Variants in ROBO2 observed in about 807,000 individuals in gnomAD.
The protein encoded by ROBO2 is roundabout guidance receptor 2.
A neutral mutation model predicts 160.8 loss-of-function variants in ROBO2; 53 were observed. The ratio of observed to expected loss-of-function variants is 0.33; its 90% CI spans 0.26 to 0.41. The LOEUF is 0.41. Among genes scored for constraint, ROBO2 ranks in the 10% least tolerant of loss-of-function variants. ROBO2 has a pLI of 1.00. For synonymous variants in ROBO2, 664 were observed against 611.7 expected, an observed-to-expected ratio of 1.09 and a Z score of -1.26; for missense variants, 1,577 against 1,722.4, an observed-to-expected ratio of 0.92 and a Z score of 1.49.
At chr3:76,905,347 A>G (rs2075526988) in intron 2 of ROBO2, among the ~76,000 whole-genome samples, 1 of 152,186 alleles carries the variant, frequency 6.6e-6, no homozygotes, top group Non-Finnish European at 1.5e-5. Context: ...GGGGCACACA[A>G]GAGAAAAAAA....
chr3:76,862,531 A>AAAG (rs2070898813), intron 2 of ROBO2, among the ~76,000 whole-genome samples: 1 of 152,124 alleles, frequency 6.6e-6, no homozygotes. Flanking sequence ...AGGACTGGAC[A>AAAG]AAGGGGTTAT....
intron 2 of ROBO2, among the ~76,000 whole-genome samples, chr3:76,488,103 C>A (rs1005129703): frequency 1.3e-5 from 2 of 152,162 alleles, no homozygotes; most frequent in Non-Finnish European, 2.9e-5. Context: ...GTCCTTTCTG[C>A]CTCAAAGTGA....
At chr3:76,342,359 T>G (rs778247710) in intron 2 of ROBO2, among the ~76,000 whole-genome samples, 11 of 152,058 alleles carry the variant, frequency 7.2e-5, no homozygotes, top group Non-Finnish European at 1.6e-4. Context: ...ACAGCAAACA[T>G]CATCAACATA....
At chr3:76,974,057 A>G (rs903527741) in intron 2 of ROBO2, among the ~76,000 whole-genome samples, 7 of 152,224 alleles carry the variant, frequency 4.6e-5, no homozygotes, top group African/African-American at 7.2e-5. Context: ...AACAAATCAC[A>G]GGATTTACAT....
Position 77,563,336 on chromosome 3 carries a change from G to T in ROBO2, c.1682+7G>T, listed in dbSNP as rs761500576. ...ATATCATTGAGGCTTTCAGGTATGG[G>T]ACAATTCCTTCTTTCTCCACTGGGT... On this transcript the variant is annotated splice_region_variant and intron_variant, in intron 11 of 25. Transcript: ENST00000461745. The T allele has an allele frequency of 6.2e-7, 1 of 1,613,048 alleles. No homozygotes were observed. The highest frequency in any genetic ancestry group is 1.3e-5 in the African/African-American group (1 of 74,858).
chr3:75,971,952 G>T (rs530676719), intron 2 of ROBO2, among the ~76,000 whole-genome samples: 1 of 151,488 alleles, frequency 6.6e-6, no homozygotes, highest in South Asian at 2.1e-4. Flanking sequence ...TATTTTTATT[G>T]GTTATGTTGT....
chr3:77,167,700 C>G (rs2079224728), intron 2 of ROBO2, among the ~76,000 whole-genome samples: 1 of 152,104 alleles, frequency 6.6e-6, no homozygotes, highest in Non-Finnish European at 1.5e-5. Flanking sequence ...AACATTGTAT[C>G]TTGTTGTGTA....
intron 2 of ROBO2, among the ~76,000 whole-genome samples, chr3:76,903,836 AT>A (rs2075400482): frequency 6.6e-6 from 1 of 151,968 alleles, no homozygotes; most frequent in Non-Finnish European, 1.5e-5. Context: ...TCCTTCAAAT[AT>A]TTTTCTAGAA....
At chr3:77,503,232 A>G (rs2087890159) in intron 5 of ROBO2, among the ~76,000 whole-genome samples, 1 of 151,652 alleles carries the variant, frequency 6.6e-6, no homozygotes, top group South Asian at 2.1e-4. Flanking sequence ...AAAAAATAAT[A>G]ATAATATAAA....
At chr3:76,403,263 A>G (rs949106936) in intron 2 of ROBO2, among the ~76,000 whole-genome samples, 3 of 151,642 alleles carry the variant, frequency 2.0e-5, no homozygotes, top group African/African-American at 4.8e-5. Context: ...TTTTTTCTGT[A>G]CAGGAAAATT....
intron 2 of ROBO2, among the ~76,000 whole-genome samples, chr3:77,259,730 G>A (rs572404518): frequency 2.0e-5 from 3 of 152,280 alleles, no homozygotes; most frequent in East Asian, 1.9e-4. Flanking sequence ...ATTACATGTC[G>A]TTTTACAATC....
chr3:76,788,398 T>A (rs1198365403), intron 2 of ROBO2, among the ~76,000 whole-genome samples: 1 of 151,420 alleles, frequency 6.6e-6, no homozygotes. Context: ...TCTTTTTATC[T>A]CTCTAAACTA....
intron 2 of ROBO2, among the ~76,000 whole-genome samples, chr3:76,974,598 A>G (rs1035683568): frequency 3.3e-5 from 5 of 152,136 alleles, no homozygotes; most frequent in African/African-American, 1.2e-4. Flanking sequence ...TTACTTACTT[A>G]TTCTTTTCTG....
intron 2 of ROBO2, among the ~76,000 whole-genome samples, chr3:76,681,189 G>A (rs1471512868): frequency 6.6e-6 from 1 of 152,164 alleles, no homozygotes; most frequent in Non-Finnish European, 1.5e-5. Flanking sequence ...AGGTTTTTAT[G>A]ATGTTGGAGC....
chr3:77,157,474 G>T (rs1028583985), intron 2 of ROBO2, among the ~76,000 whole-genome samples: 1 of 151,988 alleles, frequency 6.6e-6, no homozygotes, highest in African/African-American at 2.4e-5. Flanking sequence ...CTTATAAAAA[G>T]TTTATGCTCG....
rs17014144 is a variant in ROBO2 at position 76,421,892 on chromosome 3, C to G, written c.109+484290C>G. Among the ~76,000 whole-genome samples, 890 of 152,272 alleles carry G rather than the reference C, an allele frequency of 5.8e-3. 7 individuals carry two copies. The highest frequency in any genetic ancestry group is 0.02 in the African/African-American group (816 of 41,562). Reference sequence around the variant, plus strand: ...TTTTTACATTTGGCTGTGTATAAAACTACTGTGATCCTTTTATGCTTTCTT... The same window carrying G: ...TTTTTACATTTGGCTGTGTATAAAAGTACTGTGATCCTTTTATGCTTTCTT... On this transcript the variant is annotated intron_variant, in intron 2 of 26. Transcript: ENST00000487694.
chr3:76,592,512 A>G (rs750396630), intron 2 of ROBO2, among the ~76,000 whole-genome samples: 3 of 152,136 alleles, frequency 2.0e-5, no homozygotes, highest in Non-Finnish European at 4.4e-5. Context: ...TAATTCTCAG[A>G]TAATAACTTT....
At chr3:77,203,185 C>T (rs780379600) in intron 2 of ROBO2, among the ~76,000 whole-genome samples, 2 of 152,176 alleles carry the variant, frequency 1.3e-5, no homozygotes, top group Non-Finnish European at 2.9e-5. Context: ...AAGCACTGCA[C>T]ATAAATGTGC....
At chr3:77,442,750 G>A (rs530805084) in intron 2 of ROBO2, among the ~76,000 whole-genome samples, 62 of 152,204 alleles carry the variant, frequency 4.1e-4, no homozygotes, top group African/African-American at 1.5e-3. Context: ...CAAATGAGCC[G>A]GGGCAAATTT....
Sources: gnomAD v4.1 joint callset for allele counts (sites outside exome capture counted in the v4.1 genomes callset) on GRCh38, gnomAD v4.1.1 for gene constraint, MANE v1.5 for transcripts, NCBI Gene and HGNC (gene_info 2026-07-23, HGNC 2026-07-21) for gene names.